GPSM2: variants seen among roughly 807,000 people sequenced by gnomAD.
GPSM2 encodes G protein signaling modulator 2.
In GPSM2, 58 loss-of-function variants were observed where a neutral mutation model predicts 78.4. That is an observed-to-expected ratio of 0.74 (90% CI 0.60 to 0.92). The LOEUF (loss-of-function observed/expected upper bound fraction) is 0.92, where lower values mean the gene tolerates loss of function less well. Ranked by LOEUF, GPSM2 falls within the 40% of genes least tolerant of loss-of-function variation. GPSM2 has a pLI of 0.00. For synonymous variants in GPSM2, 224 were observed against 280.2 expected (o/e 0.80, Z 2.00); for missense variants, 700 against 815.5 (o/e 0.86, Z 1.73).
intron 2 of GPSM2, among the ~76,000 whole-genome samples, chr1:108,887,247 AT>A (rs201347203): frequency 4.6e-5 from 7 of 151,788 alleles, no homozygotes; most frequent in Admixed American, 6.6e-5. Flanking sequence ...GCTAATGCAA[AT>A]TTTTTTTTAA....
At chr1:108,886,994 C>G (rs1647603297) in intron 2 of GPSM2, among the ~76,000 whole-genome samples, 1 of 151,776 alleles carries the variant, frequency 6.6e-6, no homozygotes, top group African/African-American at 2.4e-5. Flanking sequence ...TAAAGCGATT[C>G]TCTTGTCTCA....
At position 108,922,909 on chromosome 1, in the gene GPSM2, C is replaced by T. The variant is rs561136595; in HGVS notation, c.1600+333C>T. On this transcript the variant is annotated intron_variant, in intron 13 of 14. Transcript: ENST00000264126. ...ACTTGGGAGGCTGAAGTGGGAGGATCGCTTGAGGTCAGGAGTTTGAGACTA... is the reference window on the plus strand; with the variant it reads ...ACTTGGGAGGCTGAAGTGGGAGGATTGCTTGAGGTCAGGAGTTTGAGACTA... Among the ~76,000 whole-genome samples, 18 of 152,182 alleles carry T rather than the reference C, an allele frequency of 1.2e-4. No homozygotes were observed. In the South Asian group the frequency reaches 1.9e-3, roughly 16 times the overall value.
chr1:108,908,148 G>T (rs1649393867), intron 10 of GPSM2, among the ~76,000 whole-genome samples: 1 of 152,168 alleles, frequency 6.6e-6, no homozygotes, highest in African/African-American at 2.4e-5. Flanking sequence ...AAGGCGAGCG[G>T]ATCATGAGGT....
At chr1:108,897,931 T>C (rs1570902283) in intron 4 of GPSM2, 28 bp from the exon 5 acceptor site, 1 of 1,611,606 alleles carries the variant, frequency 6.2e-7, no homozygotes, top group East Asian at 2.2e-5. Flanking sequence ...GTTTTCAAAA[T>C]GTAAACTTTG....
At chr1:108,896,581 T>C (rs1386266348) in intron 2 of GPSM2, among the ~76,000 whole-genome samples, 1 of 152,214 alleles carries the variant, frequency 6.6e-6, no homozygotes, top group Non-Finnish European at 1.5e-5. Context: ...TTAGGCTCTT[T>C]CACTAGTAAC....
Position 108,930,025 on chromosome 1 carries a change from CT to C in GPSM2, c.*86del. The C allele has an allele frequency of 8.6e-7, 1 of 1,156,310 alleles. No homozygotes were observed. Among genetic ancestry groups the C allele is most frequent in the Admixed American group, 1.9e-5 (1 of 52,228 alleles). 71.6% of individuals were successfully genotyped at this position (1,156,310 alleles called of 1,614,324 possible). The stretch of plus-strand genomic sequence containing the variant: ...TTCCTTAAAAGGAGAATTTATAGCA[CT>C]GTAATACAGCTTAAAATATTTTTAG... On this transcript the variant is annotated 3_prime_UTR_variant, in exon 15 of 15. Transcript: ENST00000264126.
chr1:108,880,198 C>A (rs957090092), intron 1 of GPSM2, among the ~76,000 whole-genome samples: 1 of 152,204 alleles, frequency 6.6e-6, no homozygotes. Context: ...AAGACAAAAT[C>A]ATGTTTAATA....
Position 108,901,834 on chromosome 1 carries a change from A to G in GPSM2, c.842A>G (p.Glu281Gly). The G allele has an allele frequency of 6.2e-7, 1 of 1,611,624 alleles. No homozygotes were observed. ...CGACAGCTTAAAGACCGAGCTGTAG[A>G]AGCACAGTCTTGTTACAGTCTTGGA... ...LARQLKDRAV[E>G]AQSCYSLGNT... Residue 281 changes from glutamate (E) to glycine (G), a missense_variant, in exon 8 of 15, where the codon GAA (glutamate) becomes GGA (glycine). Transcript: ENST00000264126.
chr1:108,934,436 T>G lies in GPSM2; in HGVS notation c.*4496T>G. On this transcript the variant is annotated 3_prime_UTR_variant, in exon 15 of 15. Transcript: ENST00000264126. ...TGTTCATCTTAAAATAAACACTTCT[T>G]ACTTTATGGGATGTAAATATCAAAG... 1 of 509,074 alleles carries G rather than the reference T, an allele frequency of 2.0e-6. No individual in the cohort carries two copies. Among genetic ancestry groups the G allele is most frequent in the East Asian group, 3.0e-5 (1 of 33,244 alleles). The allele number at this position is 509,074 out of a possible 1,614,324, so 31.5% of individuals were successfully genotyped here.
intron 5 of GPSM2, 40 bp from the exon 6 acceptor site, chr1:108,898,602 C>A: frequency 6.2e-7 from 1 of 1,605,118 alleles, no homozygotes; most frequent in South Asian, 1.1e-5. Flanking sequence ...TAAAATTGTT[C>A]TGCAAACTTA....
intron 10 of GPSM2, among the ~76,000 whole-genome samples, chr1:108,905,913 G>T (rs75359293): frequency 0.011 from 1,650 of 152,250 alleles, 23 homozygotes; most frequent in African/African-American, 0.038. Flanking sequence ...GTAGAGAGCC[G>T]CATGTGGCTA....
Position 108,929,402 on chromosome 1 carries a change from G to C in GPSM2, c.1816-299G>C, listed in dbSNP as rs570710768. ...AGTTGACCTTGTCTTTTATCCTTGT[G>C]ACCAATTATAATTAAAACAGTATGA... On this transcript the variant is annotated intron_variant, in intron 14 of 14. Coordinates refer to ENST00000264126, the MANE Select transcript of GPSM2 (RefSeq NM_013296.5). The C allele has an allele frequency of 2.7e-3, 1,016 of 371,938 alleles. 3 individuals carry two copies. Among genetic ancestry groups the C allele is most frequent in the Non-Finnish European group, 3.3e-3 (669 of 201,612 alleles). The allele number at this position is 371,938 out of a possible 1,614,324, so 23.0% of individuals were successfully genotyped here.
chr1:108,928,091 G>GTGCA (rs1171242962), intron 14 of GPSM2, among the ~76,000 whole-genome samples: 1 of 152,170 alleles, frequency 6.6e-6, no homozygotes, highest in African/African-American at 2.4e-5. Flanking sequence ...TTAAAAACTT[G>GTGCA]TGCATCAAAG....
At chr1:108,888,298 C>T (rs1007774050) in intron 2 of GPSM2, among the ~76,000 whole-genome samples, 2 of 151,916 alleles carry the variant, frequency 1.3e-5, no homozygotes, top group South Asian at 2.1e-4. Flanking sequence ...GTGATCCACC[C>T]GCCTCGGCCT....
intron 1 of GPSM2, among the ~76,000 whole-genome samples, chr1:108,880,867 A>G (rs1665860373): frequency 6.6e-6 from 1 of 152,222 alleles, no homozygotes; most frequent in South Asian, 2.1e-4. Context: ...ACCAAAAGTT[A>G]TTGGCATTTA....
Position 108,929,821 on chromosome 1 carries a change from C to G in GPSM2, c.1936C>G (p.Gln646Glu). The change falls in exon 15 of 15, where the codon CAG becomes GAG. Residue 646 changes from glutamine (Q) to glutamate (E), a missense_variant. Coordinates refer to ENST00000264126, the MANE Select transcript of GPSM2 (RefSeq NM_013296.5). Reference sequence around the variant, plus strand: ...GTCCCAGGGAAAGAGAATGGATGAACAGAGAGTTCTTTTACAAAGAGATCA... The same window carrying G: ...GTCCCAGGGAAAGAGAATGGATGAAGAGAGAGTTCTTTTACAAAGAGATCA... ...LRSQGKRMDE[Q>E]RVLLQRDQNR... The G allele has an allele frequency of 1.2e-6, 2 of 1,614,026 alleles. No homozygotes were observed. Among genetic ancestry groups the G allele is most frequent in the South Asian group, 2.2e-5 (2 of 91,078 alleles).
chr1:108,913,746 T>C lies in GPSM2; in HGVS notation c.1193-592T>C, dbSNP rs868108711. Among the ~76,000 whole-genome samples, 8 of 152,230 alleles carry C rather than the reference T, an allele frequency of 5.3e-5. 1 individual carries two copies. The highest frequency in any genetic ancestry group is 5.9e-5 in the Non-Finnish European group (4 of 68,040). ...CTGGGTATTAGGTATTTCTTATGCCTTTTAAAATATTGCCTAATATTTTAA... is the reference window on the plus strand; with the variant it reads ...CTGGGTATTAGGTATTTCTTATGCCCTTTAAAATATTGCCTAATATTTTAA... On this transcript the variant is annotated intron_variant, in intron 10 of 14. Transcript: ENST00000264126.
chr1:108,882,867 A>G (rs1217447416), intron 1 of GPSM2, among the ~76,000 whole-genome samples: 1 of 152,198 alleles, frequency 6.6e-6, no homozygotes, highest in Non-Finnish European at 1.5e-5. Flanking sequence ...GATAGCTGCT[A>G]TTTGATGTGT....
chr1:108,915,356 C>G (rs1351793865), intron 11 of GPSM2, among the ~76,000 whole-genome samples: 1 of 113,608 alleles, frequency 8.8e-6, no homozygotes, highest in Admixed American at 9.1e-5. Context: ...GGCAACAGAG[C>G]GAGACTTGTC....
Sources: allele counts gnomAD v4.1 joint callset (sites outside exome capture counted in the v4.1 genomes callset), GRCh38; gene constraint gnomAD v4.1.1; transcripts MANE v1.5; gene names NCBI Gene and HGNC (gene_info 2026-07-23, HGNC 2026-07-21).